HDAC4: variants seen among roughly 807,000 people sequenced by gnomAD.
HDAC4 encodes histone deacetylase A.
HDAC4 carries 16 observed loss-of-function variants against 135.1 expected under a neutral mutation model. The ratio of observed to expected loss-of-function variants is 0.12; its 90% CI spans 0.08 to 0.18. The LOEUF (loss-of-function observed/expected upper bound fraction) is 0.18. Ranked by LOEUF, HDAC4 falls within the 10% of genes least tolerant of loss-of-function variation. The probability of loss-of-function intolerance (pLI) is 1.00; values close to 1 mark genes in which losing one functional copy is unlikely to be tolerated. For missense variants in HDAC4, 1,143 were observed against 1,511.8 expected (o/e 0.76, Z 4.05); for synonymous variants, 685 against 653.4 (o/e 1.05, Z -0.74).
intron 9 of HDAC4, among the ~76,000 whole-genome samples, chr2:239,137,472 C>G (rs545976901): frequency 6.6e-6 from 1 of 152,022 alleles, no homozygotes; most frequent in Non-Finnish European, 1.5e-5. Flanking sequence ...GAGGAGGTGC[C>G]GGCACTCTGG....
chr2:239,195,944 C>A (rs1170850806), intron 3 of HDAC4, among the ~76,000 whole-genome samples: 1 of 152,190 alleles, frequency 6.6e-6, no homozygotes, highest in Non-Finnish European at 1.5e-5. Context: ...TGATTTTCCA[C>A]GACATGCTTA....
rs182304382 is a variant in HDAC4 at position 239,274,410 on chromosome 2, G to A, written c.23-37746C>T. ...CAGGACAAGCCCAGTGCACCCCGGC[G>A]TCCCCTCCCAGTTTTAAGGACGAAT... On this transcript the variant is annotated intron_variant, in intron 2 of 26. Coordinates refer to ENST00000543185, the MANE Select transcript of HDAC4 (RefSeq NM_001378414.1). Among the ~76,000 whole-genome samples, 58 of 152,182 alleles carry A rather than the reference G, an allele frequency of 3.8e-4. 1 individual carries two copies. The highest frequency in any genetic ancestry group is 1.3e-3 in the African/African-American group (54 of 41,510).
At position 239,303,098 on chromosome 2, in the gene HDAC4, A is replaced by G. The variant is rs540566542; in HGVS notation, c.22+49580T>C. On this transcript the variant is annotated intron_variant, in intron 2 of 26. Coordinates refer to ENST00000543185, the MANE Select transcript of HDAC4 (RefSeq NM_001378414.1). This position sits in a 1 kb window ranked among gnomAD's most constrained non-coding sequence, Gnocchi z 5.1. ...CGCGTACTGAACAGAAGCCCAGCTC[A>G]GGGTTCAGGGTGGGCCCCTGGATTC... Among the ~76,000 whole-genome samples, 14 of 152,246 alleles carry G rather than the reference A, an allele frequency of 9.2e-5. No individual in the cohort carries two copies. The highest frequency in any genetic ancestry group is 3.4e-4 in the African/African-American group (14 of 41,540).
intron 2 of HDAC4, among the ~76,000 whole-genome samples, chr2:239,304,734 G>A (rs1298466038): frequency 1.3e-5 from 2 of 152,158 alleles, no homozygotes; most frequent in Admixed American, 6.5e-5. Context: ...AGACTCCAGG[G>A]GTAACTGCTT....
chr2:239,139,172 G>C lies in HDAC4; in HGVS notation c.978+512C>G, dbSNP rs1267726396. ...TGGCCGGCCCTGCCATGCTGACCAC[G>C]GGTGACGCTCCAGTCGGCCCTGACA... On this transcript the variant is annotated intron_variant, in intron 9 of 26. Coordinates refer to ENST00000543185, the MANE Select transcript of HDAC4 (RefSeq NM_001378414.1). The surrounding 1 kb of genome is among the most constrained non-coding windows in gnomAD (Gnocchi z 5.3). Among the ~76,000 whole-genome samples the C allele has an allele frequency of 1.3e-5, 2 of 152,230 alleles. No individual in the cohort carries two copies. The highest frequency in any genetic ancestry group is 6.5e-5 in the Admixed American group (1 of 15,292).
At chr2:239,381,357 G>A (rs950665108) in intron 1 of HDAC4, among the ~76,000 whole-genome samples, 1 of 152,102 alleles carries the variant, frequency 6.6e-6, no homozygotes, top group African/African-American at 2.4e-5. Context: ...TGCAAAACAC[G>A]CTCTGGCTGG....
intron 24 of HDAC4, among the ~76,000 whole-genome samples, chr2:239,062,272 C>G (rs577132686): frequency 6.6e-6 from 1 of 152,388 alleles, no homozygotes; most frequent in South Asian, 2.1e-4. Flanking sequence ...TCTGCGCTTC[C>G]TGTCCCGCAC....
chr2:239,350,980 AATTTTCCCATAGC>A (rs1284227867), intron 2 of HDAC4, among the ~76,000 whole-genome samples: 1 of 152,196 alleles, frequency 6.6e-6, no homozygotes, highest in Non-Finnish European at 1.5e-5. Flanking sequence ...CTCAAACAAT[AATTTTCCCATAGC>A]ACACTGACAA....
intron 14 of HDAC4, among the ~76,000 whole-genome samples, chr2:239,108,918 TG>T (rs1228265654): frequency 6.6e-6 from 1 of 152,190 alleles, no homozygotes; most frequent in African/African-American, 2.4e-5. Context: ...GCCGGCAGCC[TG>T]GGGCTCTGCA....
intron 2 of HDAC4, among the ~76,000 whole-genome samples, chr2:239,282,680 C>T (rs746406322): frequency 1.3e-5 from 2 of 150,642 alleles, no homozygotes; most frequent in Non-Finnish European, 3.0e-5. Flanking sequence ...AATGTACACA[C>T]CACTCTACAA....
At chr2:239,275,327 C>CG (rs1156651687) in intron 2 of HDAC4, among the ~76,000 whole-genome samples, 2 of 152,234 alleles carry the variant, frequency 1.3e-5, no homozygotes, top group African/African-American at 4.8e-5. Flanking sequence ...GTTTGATTGA[C>CG]GCAAATCAAG....
At position 239,306,416 on chromosome 2, in the gene HDAC4, C is replaced by G. The variant is rs548205686; in HGVS notation, c.22+46262G>C. Among the ~76,000 whole-genome samples, 2 of 152,274 alleles carry G rather than the reference C, an allele frequency of 1.3e-5. No homozygotes were observed. The highest frequency in any genetic ancestry group is 1.9e-4 in the East Asian group (1 of 5,162). Reference sequence around the variant, plus strand: ...AGGCCACCTGGCCAGGCCCCATCCACGGATGTGTCCCTGCCCAGGTGCCAG... The same window carrying G: ...AGGCCACCTGGCCAGGCCCCATCCAGGGATGTGTCCCTGCCCAGGTGCCAG... On this transcript the variant is annotated intron_variant, in intron 2 of 26. Coordinates refer to ENST00000543185, the MANE Select transcript of HDAC4 (RefSeq NM_001378414.1). The surrounding 1 kb of genome is among the most constrained non-coding windows in gnomAD (Gnocchi z 4.5).
rs1004622133 is a variant in HDAC4 at position 239,298,702 on chromosome 2, A to T, written c.22+53976T>A. 9 of 767,054 alleles carry T rather than the reference A, an allele frequency of 1.2e-5. No individual in the cohort carries two copies. The Admixed American group carries it at 5.0e-4, about 42-fold the overall frequency. 47.5% of individuals were successfully genotyped at this position (767,054 alleles called of 1,614,324 possible). A position where few individuals can be genotyped will look rare whatever the true frequency, so the allele number is the denominator to read the frequency against. ...CACCCAACAACGTGGAAATCATGAC[A>T]CTCCACCTACAGGGGCTAGGCTAGA... is the stretch of plus-strand genomic sequence containing the variant. On this transcript the variant is annotated intron_variant, in intron 2 of 26. Transcript: ENST00000543185.
chr2:239,242,150 AAG>A (rs1383158097), intron 2 of HDAC4, among the ~76,000 whole-genome samples: 2 of 151,076 alleles, frequency 1.3e-5, no homozygotes, highest in African/African-American at 2.4e-5. Flanking sequence ...GAAAGAAAGA[AAG>A]AGAAAGAAAG....
At chr2:239,348,149 C>T (rs1005778203) in intron 2 of HDAC4, among the ~76,000 whole-genome samples, 2 of 151,492 alleles carry the variant, frequency 1.3e-5, no homozygotes, top group Admixed American at 6.6e-5. Flanking sequence ...AGCAAATCCA[C>T]GTCCCAGCAA....
At chr2:239,334,017 CA>C (rs1400839967) in intron 2 of HDAC4, among the ~76,000 whole-genome samples, 4 of 152,046 alleles carry the variant, frequency 2.6e-5, no homozygotes, top group Non-Finnish European at 5.9e-5. Context: ...TAAAAATTAG[CA>C]AAGAAGAAAT....
chr2:239,395,533 T>C (rs1463351865), intron 1 of HDAC4, among the ~76,000 whole-genome samples: 1 of 152,184 alleles, frequency 6.6e-6, no homozygotes, highest in Non-Finnish European at 1.5e-5. Flanking sequence ...ATCTAAATGT[T>C]TTCAAATTAC....
At chr2:239,116,762 G>A (rs374887898) in intron 12 of HDAC4, among the ~76,000 whole-genome samples, 1 of 152,142 alleles carries the variant, frequency 6.6e-6, no homozygotes, top group African/African-American at 2.4e-5. Flanking sequence ...CCCTGCTCCC[G>A]ACCACGCCGC....
At chr2:239,060,138 G>C (rs2032466276) in intron 24 of HDAC4, among the ~76,000 whole-genome samples, 1 of 152,198 alleles carries the variant, frequency 6.6e-6, no homozygotes, top group African/African-American at 2.4e-5. Flanking sequence ...ACAAAATTCA[G>C]GACAGGCTGT....
Sources: gnomAD v4.1 joint callset for allele counts (sites outside exome capture counted in the v4.1 genomes callset) on GRCh38, gnomAD v4.1.1 for gene constraint, Gnocchi (gnomAD v3.1) non-coding constraint, MANE v1.5 for transcripts, NCBI Gene and HGNC (gene_info 2026-07-23, HGNC 2026-07-21) for gene names.